The following LCLAT1 variants were observed in gnomAD, a reference collection of about 807,000 sequenced individuals.
The protein encoded by LCLAT1 is lysocardiolipin acyltransferase 1, also known as 1-AGP acyltransferase 8.
A neutral mutation model predicts 30.7 loss-of-function variants in LCLAT1; 11 were observed. The ratio of observed to expected loss-of-function variants is 0.36; its 90% CI spans 0.23 to 0.59. The LOEUF is 0.59. Among genes scored for constraint, LCLAT1 ranks in the 20% least tolerant of loss-of-function variants. The pLI is 0.77. For missense variants in LCLAT1, 402 were observed against 458.6 expected (o/e 0.88, Z 1.13); for synonymous variants, 155 against 151.3 (o/e 1.02, Z -0.18).
intron 5 of LCLAT1, among the ~76,000 whole-genome samples, chr2:30,592,532 G>T (rs909078746): frequency 2.0e-5 from 3 of 152,152 alleles, no homozygotes; most frequent in Non-Finnish European, 2.9e-5. Context: ...ATTAATGTCA[G>T]TTTCTCGATT....
intron 1 of LCLAT1, among the ~76,000 whole-genome samples, chr2:30,519,328 C>T (rs960052272): frequency 6.6e-6 from 1 of 152,124 alleles, no homozygotes; most frequent in Non-Finnish European, 1.5e-5. Flanking sequence ...TACCGTGGAC[C>T]CCTGGACCGG....
At chr2:30,557,370 C>A (rs924452257) in intron 3 of LCLAT1, among the ~76,000 whole-genome samples, 2 of 146,828 alleles carry the variant, frequency 1.4e-5, no homozygotes, top group Non-Finnish European at 3.0e-5. Flanking sequence ...TTAAAAGCAC[C>A]AATCATGTAT....
intron 1 of LCLAT1, among the ~76,000 whole-genome samples, chr2:30,456,022 A>G (rs1681817958): frequency 6.6e-6 from 1 of 151,648 alleles, no homozygotes; most frequent in Admixed American, 6.6e-5. Context: ...GAATTCTTTA[A>G]TGAAATGTTC....
At chr2:30,603,780 G>A (rs1159043534) in intron 5 of LCLAT1, among the ~76,000 whole-genome samples, 4 of 152,116 alleles carry the variant, frequency 2.6e-5, no homozygotes, top group African/African-American at 4.8e-5. Context: ...GGGACATGAA[G>A]GGTTCCAGGA....
At chr2:30,634,161 G>T (rs1203008862) in intron 5 of LCLAT1, among the ~76,000 whole-genome samples, 2 of 152,166 alleles carry the variant, frequency 1.3e-5, no homozygotes, top group African/African-American at 4.8e-5. Flanking sequence ...ATTCTTCCAA[G>T]GTATAAACAA....
chr2:30,542,674 C>T (rs1333491240), intron 3 of LCLAT1, among the ~76,000 whole-genome samples: 1 of 151,696 alleles, frequency 6.6e-6, no homozygotes, highest in Non-Finnish European at 1.5e-5. Context: ...ATCTAATTTC[C>T]CTTTGCAGTA....
chr2:30,489,604 G>A (rs1194923294), intron 1 of LCLAT1, among the ~76,000 whole-genome samples: 1 of 152,138 alleles, frequency 6.6e-6, no homozygotes, highest in East Asian at 1.9e-4. Flanking sequence ...TGCCCGCCTT[G>A]GCCTCCCAAA....
intron 1 of LCLAT1, among the ~76,000 whole-genome samples, chr2:30,482,695 G>T (rs1308588651): frequency 6.6e-6 from 1 of 151,952 alleles, no homozygotes; most frequent in African/African-American, 2.4e-5. Context: ...CAGTGCTTTA[G>T]GAGGCTGAGG....
chr2:30,516,967 G>C (rs917754538), intron 1 of LCLAT1, among the ~76,000 whole-genome samples: 3 of 152,174 alleles, frequency 2.0e-5, no homozygotes, highest in African/African-American at 7.2e-5. Context: ...TGGGGAAGCT[G>C]AGGGCCGACT....
At chr2:30,601,320 A>AAAAG (rs1362128899) in intron 5 of LCLAT1, among the ~76,000 whole-genome samples, 1 of 152,210 alleles carries the variant, frequency 6.6e-6, no homozygotes, top group Admixed American at 6.5e-5. Context: ...ATAGTTTTGC[A>AAAAG]AAAGAGCTCC....
chr2:30,566,052 T>A (rs1665470858), intron 4 of LCLAT1, among the ~76,000 whole-genome samples: 1 of 152,046 alleles, frequency 6.6e-6, no homozygotes, highest in Non-Finnish European at 1.5e-5. Flanking sequence ...GGGAGTAACG[T>A]GACAAGACAG....
chr2:30,581,817 A>G (rs1414238465), intron 5 of LCLAT1, among the ~76,000 whole-genome samples: 2 of 152,226 alleles, frequency 1.3e-5, no homozygotes, highest in African/African-American at 4.8e-5. Context: ...AGATAGGAAG[A>G]ATAAATTATA....
At position 30,509,810 on chromosome 2, in the gene LCLAT1, C is replaced by T. The variant is rs1008173895; in HGVS notation, c.-4-15777C>T. Among the ~76,000 whole-genome samples the T allele has an allele frequency of 5.3e-5, 8 of 152,230 alleles. No individual in the cohort carries two copies. The East Asian group carries it at 1.4e-3, about 26-fold the overall frequency. The stretch of plus-strand genomic sequence containing the variant: ...AACTCCTGACCTCGAATGATCCACC[C>T]GCCTTGGCCTTTCAAAGTGCTGGGA... On this transcript the variant is annotated intron_variant, in intron 1 of 5. Transcript: ENST00000379509.
intron 1 of LCLAT1, among the ~76,000 whole-genome samples, chr2:30,519,457 C>T (rs948038121): frequency 6.6e-6 from 1 of 152,114 alleles, no homozygotes; most frequent in Non-Finnish European, 1.5e-5. Flanking sequence ...GGTCGTCAGC[C>T]AACCTCCCCA....
Position 30,633,088 on chromosome 2 carries a change from A to G in LCLAT1, c.629-7029A>G, listed in dbSNP as rs1668846360. On this transcript the variant is annotated intron_variant, in intron 5 of 5. Transcript: ENST00000379509. ...CTTCAAAATGTACTGACTAGTGCCA[A>G]TCTGTCATGCTTTATTACTAGCTAT... 4.6e-5 allele frequency among the ~76,000 whole-genome samples: 7 copies of G among 152,338 alleles called. No individual in the cohort carries two copies. In the South Asian group the frequency reaches 1.4e-3, roughly 32 times the overall value.
At chr2:30,572,170 C>T (rs1665806969) in intron 5 of LCLAT1, among the ~76,000 whole-genome samples, 2 of 152,210 alleles carry the variant, frequency 1.3e-5, no homozygotes, top group South Asian at 4.1e-4. Flanking sequence ...CTTTTAGTCA[C>T]TGCCCACCTC....
rs539125233 is a variant in LCLAT1 at position 30,634,891 on chromosome 2, C to T, written c.629-5226C>T. Among the ~76,000 whole-genome samples the T allele has an allele frequency of 4.6e-5, 7 of 152,320 alleles. No homozygotes were observed. In the South Asian group the frequency reaches 1.4e-3, roughly 32 times the overall value. On this transcript the variant is annotated intron_variant, in intron 5 of 5. Transcript: ENST00000379509. ...GAACCAAGCCCCAAGGCCATGCTAA[C>T]CTCTTTCACCTGTTCCCTATACGGA...
At chr2:30,475,977 G>A (rs1013404433) in intron 1 of LCLAT1, among the ~76,000 whole-genome samples, 5 of 152,088 alleles carry the variant, frequency 3.3e-5, no homozygotes, top group Admixed American at 6.5e-5. Flanking sequence ...GTCTTCTTCA[G>A]CTTCATGGTT....
rs1039145217 is a variant in LCLAT1 at position 30,532,677 on chromosome 2, A to G, written c.166-439A>G. Among the ~76,000 whole-genome samples the G allele has an allele frequency of 2.0e-5, 3 of 152,042 alleles. No individual in the cohort carries two copies. In the East Asian group the frequency reaches 5.8e-4, roughly 29 times the overall value. ...AGATCTATGTTTTTGTTTTTAAAACATCATAGTACAGGATGCTATAAAGTG... is the reference window on the plus strand; with the variant it reads ...AGATCTATGTTTTTGTTTTTAAAACGTCATAGTACAGGATGCTATAAAGTG... On this transcript the variant is annotated intron_variant, in intron 2 of 5. Coordinates refer to ENST00000379509, the MANE Select transcript of LCLAT1 (RefSeq NM_001002257.3).
Sources: gnomAD v4.1 joint callset for allele counts (sites outside exome capture counted in the v4.1 genomes callset) on GRCh38, gnomAD v4.1.1 for gene constraint, MANE v1.5 for transcripts, NCBI Gene and HGNC (gene_info 2026-07-23, HGNC 2026-07-21) for gene names.